NUP205: variants seen among roughly 807,000 people sequenced by gnomAD.
The protein encoded by NUP205 is nucleoporin 205, also known as nuclear pore complex protein Nup205.
A neutral mutation model predicts 253.8 loss-of-function variants in NUP205; 76 were observed. The ratio of observed to expected loss-of-function variants is 0.30; its 90% CI spans 0.25 to 0.36. The LOEUF is 0.36. Ranked by LOEUF, NUP205 falls within the 10% of genes least tolerant of loss-of-function variation. NUP205 has a pLI of 1.00. For missense variants in NUP205, 2,162 were observed against 2,425.5 expected (o/e 0.89, Z 2.28); for synonymous variants, 832 against 850.1 (o/e 0.98, Z 0.37).
Position 135,630,487 on chromosome 7 carries a change from G to A in NUP205, c.5059+17G>A, listed in dbSNP as rs1794688487. On this transcript the variant is annotated intron_variant, in intron 35 of 42. Coordinates refer to ENST00000285968, the MANE Select transcript of NUP205 (RefSeq NM_015135.3). ...CACTTCCTGGTGAGTTGATTATGTT[G>A]AAAGGATTTTTAATAATTCTTTAAA... 1 of 1,573,138 alleles carries A rather than the reference G, an allele frequency of 6.4e-7. No homozygotes were observed. The highest frequency in any genetic ancestry group is 2.0e-5 in the Admixed American group (1 of 49,516).
At chr7:135,576,543 A>G (rs1584643594) in intron 4 of NUP205, 129 bp downstream of exon 4, 1 of 765,896 alleles carries the variant, frequency 1.3e-6, no homozygotes, top group African/African-American at 1.8e-5. Flanking sequence ...TATTCTGCCA[A>G]GACAGATATA....
intron 41 of NUP205, 42 bp from the exon 42 acceptor site, chr7:135,646,115 AG>A (rs1488330296): frequency 8.1e-7 from 1 of 1,240,838 alleles, no homozygotes; most frequent in Non-Finnish European, 1.2e-6. Flanking sequence ...TGTGGTAGAT[AG>A]GTACTTGCAC....
intron 12 of NUP205, 99 bp from the exon 13 acceptor site, chr7:135,594,448 A>G: frequency 1.1e-6 from 1 of 870,378 alleles, no homozygotes; most frequent in Non-Finnish European, 1.8e-6. Flanking sequence ...TATTAAGCCC[A>G]TGAGGACTCA....
intron 1 of NUP205, among the ~76,000 whole-genome samples, chr7:135,567,979 A>C (rs1805832859): frequency 6.6e-6 from 1 of 152,098 alleles, no homozygotes; most frequent in African/African-American, 2.4e-5. Flanking sequence ...TAATCCCAGC[A>C]CTTTGGGAGG....
At chr7:135,580,380 C>CCTCATCATTTATTCTCACCTGTTTCTCA (rs1240954761) in intron 7 of NUP205, among the ~76,000 whole-genome samples, 5 of 152,220 alleles carry the variant, frequency 3.3e-5, no homozygotes, top group African/African-American at 1.2e-4. Flanking sequence ...CCTGTACGTA[C>CCTCATCATTTATTCTCACCTGTTTCTCA]CCTCATCATT....
At position 135,644,991 on chromosome 7, in the gene NUP205, C is replaced by G. The variant is rs982924243; in HGVS notation, c.5656C>G (p.Arg1886Gly). The G allele has an allele frequency of 6.2e-7, 1 of 1,614,114 alleles. No individual in the cohort carries two copies. The highest frequency in any genetic ancestry group is 8.5e-7 in the Non-Finnish European group (1 of 1,179,992). The change falls in exon 40 of 43, where the codon CGA (arginine) becomes GGA (glycine). Residue 1886 changes from arginine (R) to glycine (G), a missense_variant. Arg to Gly is a moderately radical substitution (Grantham distance 125). Coordinates refer to ENST00000285968, the MANE Select transcript of NUP205 (RefSeq NM_015135.3). ...GCGCTTGGTGAAGGTGATCAACAAT[C>G]GAGCTAAACTGCTTTCCCTTTGTTC... ...RRRLVKVINN[R>G]AKLLSLCSFI...
chr7:135,625,604 T>C (rs1386306279), intron 32 of NUP205, among the ~76,000 whole-genome samples: 1 of 152,188 alleles, frequency 6.6e-6, no homozygotes, highest in East Asian at 1.9e-4. Flanking sequence ...GATGGCAATA[T>C]GACAGCCAGT....
In NUP205 at chr7:135,587,677, C is replaced by T; in HGVS notation, c.1321C>T (p.His441Tyr). 6.3e-7 allele frequency: 1 copy of T among 1,596,810 alleles called. No homozygotes were observed. The highest frequency in any genetic ancestry group is 8.5e-7 in the Non-Finnish European group (1 of 1,170,444). ...PPISLRRDLE[H>Y]LMLLIGELYK... is the part of the protein sequence containing the mutation. ...CATTTCACTTAGAAGGGACCTGGAA[C>T]ACTTAATGCTTTTGGTAAGCCATTA... is the stretch of plus-strand genomic sequence containing the variant. Residue 441 changes from histidine (H) to tyrosine (Y), a missense_variant, in exon 9 of 43, where the codon CAC becomes TAC. This residue lies in a region of NUP205 where 892 missense variants were observed against 957.1 expected (regional missense o/e 0.93). Coordinates refer to ENST00000285968, the MANE Select transcript of NUP205 (RefSeq NM_015135.3).
Position 135,616,621 on chromosome 7 carries a change from T to C in NUP205, c.3461-34T>C, listed in dbSNP as rs191464181. On this transcript the variant is annotated intron_variant, in intron 24 of 42. Coordinates refer to ENST00000285968, the MANE Select transcript of NUP205 (RefSeq NM_015135.3). ...AAATAGTTTTAAGAGTATGTTCTTC[T>C]TTTTCTGATTCAATATTATTGATAT... The C allele has an allele frequency of 7.8e-4, 1,003 of 1,286,592 alleles. 10 individuals are homozygous for C. In the African/African-American group the frequency reaches 0.013, roughly 17 times the overall value. 79.7% of individuals were successfully genotyped at this position (1,286,592 alleles called of 1,614,324 possible).
At position 135,577,034 on chromosome 7, in the gene NUP205, A is replaced by G. The variant is rs754808389; in HGVS notation, c.554A>G (p.Lys185Arg). 18 of 1,614,006 alleles carry G rather than the reference A, an allele frequency of 1.1e-5. No individual in the cohort carries two copies. The highest frequency in any genetic ancestry group is 1.4e-5 in the Non-Finnish European group (17 of 1,179,954). The change falls in exon 5 of 43, where the codon AAA becomes AGA. Residue 185 changes from lysine to arginine, a missense_variant. Transcript: ENST00000285968. ...DELMEQGLTY[K>R]VLTLVSQIDV... ...CTGATGGAGCAAGGATTGACTTATA[A>G]AGTTCTTACGCTGGTGTCACAGATT... is the stretch of plus-strand genomic sequence containing the variant.
intron 18 of NUP205, 47 bp from the exon 19 acceptor site, chr7:135,604,293 A>G: frequency 6.5e-7 from 1 of 1,544,640 alleles, no homozygotes; most frequent in Non-Finnish European, 8.7e-7. Context: ...ATAGTGAGAC[A>G]CCAAAAATTT....
At chr7:135,629,328 C>CT (rs201384808) in intron 34 of NUP205, among the ~76,000 whole-genome samples, 5,188 of 152,150 alleles carry the variant, frequency 0.034, 117 homozygotes, top group Middle Eastern at 0.1. Flanking sequence ...TTTATATCTC[C>CT]TTTTTTTAAC....
chr7:135,603,565 G>A (rs116996565), intron 18 of NUP205, among the ~76,000 whole-genome samples: 13,107 of 149,362 alleles, frequency 0.088, 718 homozygotes, highest in Non-Finnish European at 0.13. Flanking sequence ...ACTGGAGTGC[G>A]GTGGTACAAT....
At chr7:135,646,261 T>C (rs1795007693) in intron 42 of NUP205, 30 bp downstream of exon 42, 1 of 1,518,194 alleles carries the variant, frequency 6.6e-7, no homozygotes, top group African/African-American at 1.4e-5. Context: ...TTCTTTTATT[T>C]TTCTTCATTA....
chr7:135,558,140 C>T (rs1270507939), intron 1 of NUP205, 168 bp downstream of exon 1: 4 of 663,392 alleles, frequency 6.0e-6, no homozygotes, highest in Non-Finnish European at 1.1e-5. Flanking sequence ...GAATGGCGCG[C>T]GTCGGTGCTG....
Position 135,630,362 on chromosome 7 carries a change from T to C in NUP205, c.4951T>C (p.Ser1651Pro), listed in dbSNP as rs1383602939. 6.3e-7 allele frequency: 1 copy of C among 1,593,584 alleles called. No individual in the cohort carries two copies. The highest frequency in any genetic ancestry group is 8.5e-7 in the Non-Finnish European group (1 of 1,171,870). The change falls in exon 35 of 43, where the codon TCA becomes CCA. Residue 1651 changes from serine to proline, a missense_variant. Ser to Pro is a moderately conservative substitution (Grantham distance 74, BLOSUM62 -1). This residue lies in a region of NUP205 where 1,144 missense variants were observed against 1,280.9 expected (regional missense o/e 0.89). Transcript: ENST00000285968. ...GGCTTAGGTATTGCAGTTTCTTATT[T>C]CACATTCTGATACCATACAAGCAAT... Reference protein sequence around the residue: ...AAGQVLQFLISHSDTIQAILR... With the variant: ...AAGQVLQFLIPHSDTIQAILR...
intron 30 of NUP205, among the ~76,000 whole-genome samples, chr7:135,620,345 C>T (rs940432550): frequency 2.0e-5 from 3 of 152,128 alleles, no homozygotes; most frequent in Non-Finnish European, 4.4e-5. Context: ...ACCAGCTTGG[C>T]CAATATGGTG....
chr7:135,614,773 T>C (rs1393561452), intron 23 of NUP205, among the ~76,000 whole-genome samples: 2 of 152,244 alleles, frequency 1.3e-5, no homozygotes, highest in Non-Finnish European at 2.9e-5. Context: ...TGCAGTCTTA[T>C]CGAGATTCTA....
At chr7:135,567,126 G>GTA (rs1563107967) in intron 1 of NUP205, among the ~76,000 whole-genome samples, 59 of 5,350 alleles carry the variant, frequency 0.011, 2 homozygotes, top group African/African-American at 0.018. Context: ...CAGTCTATGT[G>GTA]TGTATATATA....
Sources: gnomAD v4.1 joint callset for allele counts (sites outside exome capture counted in the v4.1 genomes callset) on GRCh38, gnomAD v4.1.1 for gene constraint, gnomAD v4.1.1 regional missense constraint, MANE v1.5 for transcripts, NCBI Gene and HGNC (gene_info 2026-07-23, HGNC 2026-07-21) for gene names.